CORO2A: variants seen among roughly 807,000 people sequenced by gnomAD.
CORO2A encodes the protein coronin 2A.
Under a neutral mutation model 62.4 loss-of-function variants are expected in CORO2A, and 47 were observed. The ratio of observed to expected loss-of-function variants is 0.75; its 90% CI spans 0.60 to 0.96. The LOEUF is 0.96. CORO2A is among the 40% of genes least tolerant of loss of function. The pLI, the probability that CORO2A is intolerant of heterozygous loss-of-function variation, is 0.00. For synonymous variants in CORO2A, 273 were observed against 268.9 expected (o/e 1.02, Z -0.15); for missense variants, 610 against 684.1 (o/e 0.89, Z 1.21).
intron 2 of CORO2A, among the ~76,000 whole-genome samples, chr9:98,147,060 A>G (rs1396009138): frequency 6.6e-6 from 1 of 152,124 alleles, no homozygotes; most frequent in African/African-American, 2.4e-5. Context: ...TGAGCCCAAG[A>G]GTTTGAGACC....
Position 98,187,761 on chromosome 9 carries a change from T to C in CORO2A, c.-1+4798A>G, listed in dbSNP as rs184627475. Among the ~76,000 whole-genome samples, 3 of 152,272 alleles carry C rather than the reference T, an allele frequency of 2.0e-5. No individual in the cohort carries two copies. The East Asian group carries it at 5.8e-4, about 29-fold the overall frequency. ...CCTTATGGGGTAAGATTTCAACATA[T>C]GAGCTTTGGAGGAACATAAATATTC... On this transcript the variant is annotated intron_variant, in intron 1 of 11. Coordinates refer to ENST00000375077, the MANE Select transcript of CORO2A (RefSeq NM_052820.4).
intron 8 of CORO2A, among the ~76,000 whole-genome samples, chr9:98,129,253 A>G (rs1031624611): frequency 1.5e-4 from 23 of 152,176 alleles, no homozygotes; most frequent in African/African-American, 5.3e-4. Context: ...CCATCCCCAC[A>G]GCTCCTGTGA....
intron 2 of CORO2A, among the ~76,000 whole-genome samples, chr9:98,138,065 A>G (rs750697854): frequency 6.6e-6 from 1 of 152,214 alleles, no homozygotes; most frequent in African/African-American, 2.4e-5. Context: ...GTTCCTCAAA[A>G]GGTTAACCGG....
At position 98,129,286 on chromosome 9, in the gene CORO2A, G is replaced by A. The variant is rs1221885485; in HGVS notation, c.967+508C>T. Among the ~76,000 whole-genome samples the A allele has an allele frequency of 3.3e-5, 5 of 152,254 alleles. No individual in the cohort carries two copies. The South Asian group carries it at 1.0e-3, about 32-fold the overall frequency. ...TGACCCAAATGCTCTTAATCAAACC[G>A]CTCCAGATTCCTTTTGAGTAGGGTT... is the stretch of plus-strand genomic sequence containing the variant. On this transcript the variant is annotated intron_variant, in intron 8 of 11. Coordinates refer to ENST00000375077, the MANE Select transcript of CORO2A (RefSeq NM_052820.4).
chr9:98,134,457 C>T (rs377563262), intron 4 of CORO2A, among the ~76,000 whole-genome samples: 2 of 152,086 alleles, frequency 1.3e-5, no homozygotes, highest in Admixed American at 1.3e-4. Flanking sequence ...ATGGGGTCTT[C>T]GCTGCTGAAA....
Position 98,126,818 on chromosome 9 carries a change from T to C in CORO2A, c.1177A>G (p.Ile393Val), listed in dbSNP as rs1827328533. 2 of 1,613,908 alleles carry C rather than the reference T, an allele frequency of 1.2e-6. No homozygotes were observed. Among genetic ancestry groups the C allele is most frequent in the Non-Finnish European group, 1.7e-6 (2 of 1,179,990 alleles). Residue 393 changes from isoleucine to valine, a missense_variant, in exon 11 of 12, where the codon ATC becomes GTC. Transcript: ENST00000375077. ...GAGCCAGGCCTAAGGGACACCAGGA[T>C]TGGGTCTGGAAGGGAAGCAGAGCCA... ...EWLSGMNRDP[I>V]LVSLRPGSEL...
chr9:98,130,010 C>T, intron 7 of CORO2A, 120 bp from the exon 8 acceptor site: 2 of 674,880 alleles, frequency 3.0e-6, no homozygotes, highest in Non-Finnish European at 5.3e-6. Context: ...ACCCATCTCA[C>T]TCAAGGGAAC....
At chr9:98,153,102 CT>C (rs1172812166) in intron 2 of CORO2A, among the ~76,000 whole-genome samples, 2 of 152,034 alleles carry the variant, frequency 1.3e-5, no homozygotes, top group Admixed American at 6.6e-5. Context: ...AACTTTTTCT[CT>C]TTTTTTGTTA....
At chr9:98,169,127 G>A (rs777504876) in intron 1 of CORO2A, among the ~76,000 whole-genome samples, 9 of 152,208 alleles carry the variant, frequency 5.9e-5, no homozygotes, top group Admixed American at 2.0e-4. Flanking sequence ...CATCACCAGC[G>A]AGGCAGAAGC....
At chr9:98,157,036 A>C (rs2250494) in intron 2 of CORO2A, among the ~76,000 whole-genome samples, 68,738 of 152,014 alleles carry the variant, frequency 0.45, 15,580 homozygotes, top group East Asian at 0.58. Flanking sequence ...CACTTGCACT[A>C]AGGACAAAAG....
At chr9:98,140,335 T>A (rs1284822056) in intron 2 of CORO2A, among the ~76,000 whole-genome samples, 1 of 152,072 alleles carries the variant, frequency 6.6e-6, no homozygotes, top group African/African-American at 2.4e-5. Flanking sequence ...GAATCAATAG[T>A]CTTGGGATTT....
rs575799920 is a variant in CORO2A, at chr9:98,130,849, C to T, written c.870+106G>A. On this transcript the variant is annotated intron_variant, in intron 7 of 11. Transcript: ENST00000375077. ...TTCCTTCTCACAGGGAAAGAGTGGCCAGCGAGGCCTGCCCATCCCTGCCCT... is the reference window on the plus strand; with the variant it reads ...TTCCTTCTCACAGGGAAAGAGTGGCTAGCGAGGCCTGCCCATCCCTGCCCT... The T allele has an allele frequency of 4.3e-5, 37 of 867,334 alleles. No homozygotes were observed. The East Asian group carries it at 1.0e-3, about 23-fold the overall frequency. The allele number at this position is 867,334 out of a possible 1,614,324, so 53.7% of individuals were successfully genotyped here. A position where few individuals can be genotyped will look rare whatever the true frequency, so the allele number is the denominator to read the frequency against.
chr9:98,176,571 T>C (rs1472232414), intron 1 of CORO2A, among the ~76,000 whole-genome samples: 2 of 152,190 alleles, frequency 1.3e-5, no homozygotes, highest in African/African-American at 2.4e-5. Flanking sequence ...GAAGACCTCT[T>C]AACTCAGGAC....
chr9:98,148,898 G>T (rs142537222), intron 2 of CORO2A, among the ~76,000 whole-genome samples: 2 of 152,146 alleles, frequency 1.3e-5, no homozygotes, highest in Admixed American at 1.3e-4. Flanking sequence ...AGCTGAAAAG[G>T]TTACATATTG....
Position 98,137,632 on chromosome 9 carries a change from C to T in CORO2A, c.258G>A (p.Leu86=), listed in dbSNP as rs751646499. The change falls in exon 3 of 12, where the codon TTG becomes TTA. Residue 86 remains leucine, a synonymous_variant. Coordinates refer to ENST00000375077, the MANE Select transcript of CORO2A (RefSeq NM_052820.4). ...CATCAAAAGGGTTCCACTTGACATC[C>T]AAAACGTTGCCTCTGTGCCCGCAGA... ...PKVCGHRGNV[L]DVKWNPFDDF... 1 of 1,614,238 alleles carries T rather than the reference C, an allele frequency of 6.2e-7. No individual in the cohort carries two copies. The highest frequency in any genetic ancestry group is 2.2e-5 in the East Asian group (1 of 44,888).
chr9:98,131,643 C>T (rs1827410822), intron 6 of CORO2A, among the ~76,000 whole-genome samples: 1 of 152,070 alleles, frequency 6.6e-6, no homozygotes, highest in South Asian at 2.1e-4. Context: ...TTGACACACC[C>T]GATCTCATTC....
chr9:98,170,386 G>A (rs1371441034), intron 1 of CORO2A, among the ~76,000 whole-genome samples: 1 of 152,228 alleles, frequency 6.6e-6, no homozygotes, highest in East Asian at 1.9e-4. Context: ...CCAAGGGGCT[G>A]GGCCCATCAC....
chr9:98,125,411 T>G (rs1827302667), intron 11 of CORO2A, among the ~76,000 whole-genome samples: 1 of 152,192 alleles, frequency 6.6e-6, no homozygotes, highest in South Asian at 2.1e-4. Context: ...AAACGGAAGC[T>G]TAGAGACATT....
At chr9:98,144,183 T>C (rs1827611121) in intron 2 of CORO2A, among the ~76,000 whole-genome samples, 1 of 144,036 alleles carries the variant, frequency 6.9e-6, no homozygotes, top group South Asian at 2.2e-4. Context: ...AGTGAGATCC[T>C]GTTTCGAAGA....
Sources: gnomAD v4.1 joint callset for allele counts (sites outside exome capture counted in the v4.1 genomes callset) on GRCh38, gnomAD v4.1.1 for gene constraint, MANE v1.5 for transcripts, NCBI Gene and HGNC (gene_info 2026-07-23, HGNC 2026-07-21) for gene names.